PRKCE: variants seen among roughly 807,000 people sequenced by gnomAD.
The protein encoded by PRKCE is protein kinase C epsilon.
Under a neutral mutation model 85.4 loss-of-function variants are expected in PRKCE, and 16 were observed. The ratio of observed to expected loss-of-function variants is 0.19; its 90% CI spans 0.13 to 0.28. The LOEUF is 0.28. PRKCE is among the 10% of genes least tolerant of loss of function. PRKCE has a pLI of 1.00. For missense variants in PRKCE, 573 were observed against 975.2 expected (o/e 0.59, Z 5.49); for synonymous variants, 388 against 371.5 (o/e 1.04, Z -0.51).
intron 1 of PRKCE, among the ~76,000 whole-genome samples, chr2:45,829,887 C>A: frequency 1.3e-5 from 2 of 151,718 alleles, no homozygotes; most frequent in Non-Finnish European, 2.9e-5. Flanking sequence ...TCCTGGCTAA[C>A]ACGGTGAAAC....
At chr2:45,654,684 A>G (rs1675297337) in intron 1 of PRKCE, among the ~76,000 whole-genome samples, 1 of 152,210 alleles carries the variant, frequency 6.6e-6, no homozygotes, top group Non-Finnish European at 1.5e-5. Flanking sequence ...TGGACAAACT[A>G]AAAAACTTGA....
At chr2:45,914,142 G>A (rs539911691) in intron 2 of PRKCE, among the ~76,000 whole-genome samples, 5 of 152,152 alleles carry the variant, frequency 3.3e-5, no homozygotes, top group African/African-American at 7.2e-5. Context: ...CTTAAATTAC[G>A]TGGAAGCATA....
intron 1 of PRKCE, among the ~76,000 whole-genome samples, chr2:45,702,827 A>G (rs17034024): frequency 0.011 from 1,678 of 152,240 alleles, 30 homozygotes; most frequent in African/African-American, 0.039. Context: ...CATACCCTAC[A>G]AGGAGCCATT....
intron 1 of PRKCE, among the ~76,000 whole-genome samples, chr2:45,814,236 A>G (rs534060489): frequency 1.8e-4 from 28 of 152,346 alleles, no homozygotes; most frequent in South Asian, 1.4e-3. Flanking sequence ...ATAGATTGGA[A>G]GTGGCAAACT....
At chr2:45,723,070 C>T (rs1403025938) in intron 1 of PRKCE, among the ~76,000 whole-genome samples, 1 of 152,220 alleles carries the variant, frequency 6.6e-6, no homozygotes, top group African/African-American at 2.4e-5. Context: ...CATTGCACTC[C>T]AGCCTGGGTG....
chr2:46,145,328 A>G lies in PRKCE; in HGVS notation c.1731+97A>G. On this transcript the variant is annotated intron_variant, in intron 12 of 14. Transcript: ENST00000306156. The surrounding 1 kb of genome is among the most constrained non-coding windows in gnomAD (Gnocchi z 4.6). ...GGGGTCATCTAGTGGTGCTGGGGGA[A>G]GGCTCTGGAAATCCAGGATGGATTC... The G allele has an allele frequency of 1.4e-6, 2 of 1,479,270 alleles. No individual in the cohort carries two copies. The highest frequency in any genetic ancestry group is 4.6e-5 in the East Asian group (2 of 43,812). 91.6% of individuals were successfully genotyped at this position (1,479,270 alleles called of 1,614,324 possible).
chr2:45,908,772 C>A (rs905736654), intron 2 of PRKCE, among the ~76,000 whole-genome samples: 1 of 152,184 alleles, frequency 6.6e-6, no homozygotes, highest in Admixed American at 6.5e-5. Flanking sequence ...TGGAGGATCT[C>A]TCCGGGAGAA....
chr2:45,830,817 T>C (rs1690363627), intron 1 of PRKCE, among the ~76,000 whole-genome samples: 1 of 152,246 alleles, frequency 6.6e-6, no homozygotes, highest in Non-Finnish European at 1.5e-5. Flanking sequence ...TATGATCTTT[T>C]TAAAACCTAG....
intron 2 of PRKCE, among the ~76,000 whole-genome samples, chr2:45,950,767 A>C (rs1700566178): frequency 6.6e-6 from 1 of 152,124 alleles, no homozygotes; most frequent in Non-Finnish European, 1.5e-5. Flanking sequence ...TGTTGTTCAC[A>C]CTTCCGTTGG....
intron 11 of PRKCE, among the ~76,000 whole-genome samples, chr2:46,142,891 G>A (rs1170379862): frequency 6.6e-6 from 1 of 152,234 alleles, no homozygotes. Context: ...ATTAGAAGAA[G>A]TCCTTCCTCA....
At chr2:45,722,760 T>C (rs1680723910) in intron 1 of PRKCE, among the ~76,000 whole-genome samples, 1 of 152,242 alleles carries the variant, frequency 6.6e-6, no homozygotes, top group Non-Finnish European at 1.5e-5. Context: ...AAGCACCTCA[T>C]GGCTTTCTTC....
chr2:46,095,110 G>C (rs1482162328), intron 11 of PRKCE, among the ~76,000 whole-genome samples: 1 of 152,142 alleles, frequency 6.6e-6, no homozygotes, highest in East Asian at 1.9e-4. Flanking sequence ...TTTCTCTTCT[G>C]TTTTCTCTTT....
intron 14 of PRKCE, among the ~76,000 whole-genome samples, chr2:46,167,437 C>G (rs2104630135): frequency 6.6e-6 from 1 of 152,270 alleles, no homozygotes; most frequent in African/African-American, 2.4e-5. Flanking sequence ...CCAAGGGAGG[C>G]TGGACTGGAC....
chr2:46,048,953 A>G (rs1427360258), intron 10 of PRKCE, among the ~76,000 whole-genome samples: 1 of 151,504 alleles, frequency 6.6e-6, no homozygotes, highest in African/African-American at 2.4e-5. Flanking sequence ...TGGAGTGTAG[A>G]GACTCGCCAG....
intron 2 of PRKCE, among the ~76,000 whole-genome samples, chr2:45,845,977 C>T (rs762265365): frequency 7.9e-5 from 12 of 152,174 alleles, no homozygotes; most frequent in Non-Finnish European, 1.5e-4. Context: ...AAGAAATGGA[C>T]TCGTTTGGTG....
chr2:45,963,202 A>C (rs1701496482), intron 2 of PRKCE, among the ~76,000 whole-genome samples: 2 of 152,174 alleles, frequency 1.3e-5, no homozygotes, highest in African/African-American at 4.8e-5. Flanking sequence ...CAGGGAGAGT[A>C]GATTGTGTTA....
chr2:46,129,247 G>T (rs764718361), intron 11 of PRKCE, among the ~76,000 whole-genome samples: 1 of 152,128 alleles, frequency 6.6e-6, no homozygotes, highest in Non-Finnish European at 1.5e-5. Flanking sequence ...TTTTCTCCTT[G>T]TTTCACATGT....
chr2:45,972,978 G>T (rs1453773002), intron 2 of PRKCE, among the ~76,000 whole-genome samples: 1 of 152,192 alleles, frequency 6.6e-6, no homozygotes, highest in Non-Finnish European at 1.5e-5. Flanking sequence ...AAAGATGGAA[G>T]CATCACATTT....
intron 14 of PRKCE, among the ~76,000 whole-genome samples, chr2:46,163,940 C>T (rs1357585241): frequency 2.6e-5 from 4 of 151,520 alleles, no homozygotes; most frequent in Non-Finnish European, 2.9e-5. Flanking sequence ...CTGAGGCGCA[C>T]CCCACAGAGG....
Sources: allele counts gnomAD v4.1 joint callset (sites outside exome capture counted in the v4.1 genomes callset), GRCh38; gene constraint gnomAD v4.1.1; non-coding constraint Gnocchi (gnomAD v3.1); transcripts MANE v1.5; gene names NCBI Gene and HGNC (gene_info 2026-07-23, HGNC 2026-07-21).